FBXO34: variants seen among roughly 807,000 people sequenced by gnomAD.
The protein encoded by FBXO34 is F-box protein 34.
A neutral mutation model predicts 24.5 loss-of-function variants in FBXO34; 12 were observed. The observed-to-expected ratio is 0.49, with a 90% CI of 0.31 to 0.79. The LOEUF is 0.79. FBXO34 is among the 30% of genes least tolerant of loss of function. FBXO34 has a pLI of 0.04. For missense variants in FBXO34, 823 were observed against 857.7 expected, an observed-to-expected ratio of 0.96 and a Z score of 0.51; for synonymous variants, 320 against 311.9, an observed-to-expected ratio of 1.03 and a Z score of -0.27.
intron 1 of FBXO34, among the ~76,000 whole-genome samples, chr14:55,287,596 A>T (rs891035705): frequency 6.6e-6 from 1 of 152,164 alleles, no homozygotes; most frequent in Non-Finnish European, 1.5e-5. Flanking sequence ...CCCACCTATG[A>T]TGTTATTTTT....
intron 1 of FBXO34, among the ~76,000 whole-genome samples, chr14:55,321,355 A>G (rs956715483): frequency 7.2e-5 from 11 of 152,036 alleles, no homozygotes; most frequent in Non-Finnish European, 1.3e-4. Context: ...GCTCCCTTGC[A>G]TTGTTGCCCA....
At position 55,271,458 on chromosome 14, in the gene FBXO34, T is replaced by G. The variant is rs1397648480; in HGVS notation, c.-90T>G. 6.6e-6 allele frequency: 1 copy of G among 151,838 alleles called. No homozygotes were observed. Among genetic ancestry groups the G allele is most frequent in the African/African-American group, 2.4e-5 (1 of 41,338 alleles). 9.4% of individuals were successfully genotyped at this position (151,838 alleles called of 1,614,324 possible). A position where few individuals can be genotyped will look rare whatever the true frequency, so the allele number is the denominator to read the frequency against. On this transcript the variant is annotated 5_prime_UTR_variant, in exon 1 of 2. Coordinates refer to ENST00000313833, the MANE Select transcript of FBXO34 (RefSeq NM_017943.4). ...TCAGCGGTGGGGAGTGAGCCAGGCC[T>G]CCCGCCACCGCTGCTGCCGCCACCA...
At chr14:55,323,078 G>A (rs1327765508) in intron 1 of FBXO34, among the ~76,000 whole-genome samples, 2 of 142,806 alleles carry the variant, frequency 1.4e-5, no homozygotes, top group African/African-American at 2.7e-5. Flanking sequence ...CCAGCTAGTC[G>A]GGAGGCTGAG....
At chr14:55,309,355 C>T (rs1265484933) in intron 1 of FBXO34, among the ~76,000 whole-genome samples, 1 of 152,058 alleles carries the variant, frequency 6.6e-6, no homozygotes, top group African/African-American at 2.4e-5. Context: ...CTCAGGTTTC[C>T]AGAACGATGG....
At chr14:55,417,367 A>T in the FBXO34 span, among the ~76,000 whole-genome samples, 1 of 151,674 alleles carries the variant, frequency 6.6e-6, no homozygotes. Context: ...GGGAACCTAA[A>T]TTGGCTCCAT....
chr14:55,278,388 A>AT (rs985770950), intron 1 of FBXO34, among the ~76,000 whole-genome samples: 1 of 152,110 alleles, frequency 6.6e-6, no homozygotes, highest in Non-Finnish European at 1.5e-5. Flanking sequence ...TATCATTTAG[A>AT]TTTTTTTAAT....
intron 1 of FBXO34, among the ~76,000 whole-genome samples, chr14:55,306,848 A>AAAAC (rs1485745919): frequency 6.6e-6 from 1 of 152,008 alleles, no homozygotes; most frequent in African/African-American, 2.4e-5. Flanking sequence ...AAAACAAAAC[A>AAAAC]AAACAAAAAA....
chr14:55,355,558 C>A (rs527514657), downstream of FBXO34, among the ~76,000 whole-genome samples: 30 of 152,270 alleles, frequency 2.0e-4, no homozygotes, highest in African/African-American at 7.2e-4. Flanking sequence ...TGTCATTATT[C>A]CCTAAACAAT....
At chr14:55,373,606 C>A (rs1294263441), downstream of FBXO34, among the ~76,000 whole-genome samples, 1 of 152,008 alleles carries the variant, frequency 6.6e-6, no homozygotes, top group East Asian at 1.9e-4. Context: ...GTTACAGGCA[C>A]CCGCCACCAC....
the FBXO34 span, among the ~76,000 whole-genome samples, chr14:55,406,473 G>C: frequency 2.0e-5 from 3 of 152,220 alleles, no homozygotes; most frequent in African/African-American, 7.2e-5. Context: ...CAAAAATTAT[G>C]AAGATAGAAT....
chr14:55,356,835 A>G (rs1446520577), downstream of FBXO34, among the ~76,000 whole-genome samples: 3 of 151,544 alleles, frequency 2.0e-5, no homozygotes, highest in South Asian at 4.2e-4. Context: ...TGCAGCTTCA[A>G]CCTCTTGGGC....
chr14:55,318,830 C>G (rs1294205945), intron 1 of FBXO34, among the ~76,000 whole-genome samples: 3 of 152,008 alleles, frequency 2.0e-5, no homozygotes, highest in Admixed American at 6.6e-5. Context: ...ATCTGGTGAC[C>G]TGGTCATCTC....
intron 1 of FBXO34, among the ~76,000 whole-genome samples, chr14:55,303,843 A>G (rs1239859801): frequency 1.3e-5 from 2 of 152,162 alleles, no homozygotes; most frequent in Non-Finnish European, 2.9e-5. Flanking sequence ...CTGCCTAAGA[A>G]GAAATGAGAG....
intron 1 of FBXO34, among the ~76,000 whole-genome samples, chr14:55,283,278 T>TA (rs11334051): frequency 7.9e-5 from 12 of 151,108 alleles, no homozygotes; most frequent in South Asian, 4.2e-4. Flanking sequence ...GATAAAAAGC[T>TA]AAAAAAAAAT....
intron 1 of FBXO34, among the ~76,000 whole-genome samples, chr14:55,306,572 G>A (rs967328711): frequency 1.3e-5 from 2 of 152,150 alleles, no homozygotes; most frequent in Non-Finnish European, 1.5e-5. Flanking sequence ...GGTGGCTCAC[G>A]CGTGTAATCC....
At chr14:55,360,132 G>C (rs539456470) in intron 3 of FBXO34, among the ~76,000 whole-genome samples, 1 of 152,180 alleles carries the variant, frequency 6.6e-6, no homozygotes, top group Admixed American at 6.5e-5. Flanking sequence ...GAGTGCAGTG[G>C]TGCGATCTCA....
chr14:55,331,093 T>A (rs1461022530), intron 1 of FBXO34, among the ~76,000 whole-genome samples: 1 of 151,982 alleles, frequency 6.6e-6, no homozygotes, highest in African/African-American at 2.4e-5. Flanking sequence ...AGACAGGAAA[T>A]TTTTTTTAGA....
At chr14:55,397,943 CTT>C in the FBXO34 span, among the ~76,000 whole-genome samples, 2,042 of 105,300 alleles carry the variant, frequency 0.019, 19 homozygotes, top group African/African-American at 0.076. Context: ...TGCAGTAATT[CTT>C]TTTTTTTTTT....
chr14:55,295,512 A>G (rs1360949584), intron 1 of FBXO34, among the ~76,000 whole-genome samples: 1 of 148,670 alleles, frequency 6.7e-6, no homozygotes, highest in Non-Finnish European at 1.5e-5. Context: ...CTCCAGCCTC[A>G]GCCTCCCGAG....
Sources: gnomAD v4.1 joint callset for allele counts (sites outside exome capture counted in the v4.1 genomes callset) on GRCh38, gnomAD v4.1.1 for gene constraint, MANE v1.5 for transcripts, NCBI Gene and HGNC (gene_info 2026-07-23, HGNC 2026-07-21) for gene names.